Variants in LYPLAL1 observed in about 807,000 individuals in gnomAD.
LYPLAL1 encodes the protein lysophospholipase-like protein 1.
A neutral mutation model predicts 19.7 loss-of-function variants in LYPLAL1; 23 were observed. That is an observed-to-expected ratio of 1.17 (90% CI 0.84 to 1.65). LYPLAL1 has a LOEUF of 1.65. LYPLAL1 is among the 40% of genes most tolerant of loss of function. The pLI is 0.00. For synonymous variants in LYPLAL1, 119 were observed against 96.3 expected (o/e 1.24, Z -1.38); for missense variants, 355 against 279.4 (o/e 1.27, Z -1.93).
the LYPLAL1 span, among the ~76,000 whole-genome samples, chr1:219,393,420 C>T: frequency 6.6e-6 from 1 of 152,136 alleles, no homozygotes; most frequent in African/African-American, 2.4e-5. Context: ...ATGCCCTGCC[C>T]TTCATAGCCA....
chr1:219,337,646 A>G, the LYPLAL1 span, among the ~76,000 whole-genome samples: 1 of 152,002 alleles, frequency 6.6e-6, no homozygotes, highest in African/African-American at 2.4e-5. Flanking sequence ...GTGGCTGATC[A>G]AAATTACTAA....
At chr1:219,415,531 T>C in the LYPLAL1 span, among the ~76,000 whole-genome samples, 55 of 152,364 alleles carry the variant, frequency 3.6e-4, 1 homozygote, top group East Asian at 9.8e-3. Context: ...ACCAAGCATT[T>C]GCACTAGTTT....
chr1:219,427,535 T>C, the LYPLAL1 span, among the ~76,000 whole-genome samples: 118 of 152,330 alleles, frequency 7.7e-4, no homozygotes, highest in African/African-American at 2.8e-3. Flanking sequence ...ATATGAAAGT[T>C]AGAAGTTGCC....
At chr1:219,379,552 G>A in the LYPLAL1 span, among the ~76,000 whole-genome samples, 1 of 152,240 alleles carries the variant, frequency 6.6e-6, no homozygotes, top group Non-Finnish European at 1.5e-5. Flanking sequence ...GAGGGTCTCT[G>A]TTGGGTCTCA....
the LYPLAL1 span, among the ~76,000 whole-genome samples, chr1:219,417,123 G>C: frequency 6.6e-6 from 1 of 152,060 alleles, no homozygotes; most frequent in African/African-American, 2.4e-5. Flanking sequence ...TTTGAAAGAA[G>C]TTACTGTGCA....
At chr1:219,373,099 A>G in the LYPLAL1 span, among the ~76,000 whole-genome samples, 234 of 152,294 alleles carry the variant, frequency 1.5e-3, no homozygotes, top group Middle Eastern at 3.4e-3. Flanking sequence ...CTGGTGGCTG[A>G]AAAAAATGAG....
At chr1:219,252,711 C>T in the LYPLAL1 span, among the ~76,000 whole-genome samples, 1 of 152,020 alleles carries the variant, frequency 6.6e-6, no homozygotes, top group Admixed American at 6.6e-5. Context: ...ATTTTTGCAT[C>T]ATTGTTCATC....
At chr1:219,427,555 C>T in the LYPLAL1 span, among the ~76,000 whole-genome samples, 5 of 152,220 alleles carry the variant, frequency 3.3e-5, no homozygotes, top group Non-Finnish European at 7.3e-5. Flanking sequence ...CTGGCCTTTG[C>T]TTCACCTCCA....
the LYPLAL1 span, among the ~76,000 whole-genome samples, chr1:219,382,211 C>G: frequency 5.9e-5 from 9 of 152,264 alleles, no homozygotes; most frequent in East Asian, 1.7e-3. Flanking sequence ...CTCAGTGTTT[C>G]CTTCAAAATG....
chr1:219,264,829 A>G, the LYPLAL1 span, among the ~76,000 whole-genome samples: 1 of 152,226 alleles, frequency 6.6e-6, no homozygotes, highest in East Asian at 1.9e-4. Flanking sequence ...TGATTACAAC[A>G]ACTCAGAGGA....
rs147699943 is a variant in LYPLAL1 at position 219,195,748 on chromosome 1, G to A, written c.361+2497G>A. ...CAGGACATGCAGGTTTGTTACATAGGTAAACATGTGTCATGGTGTTTTGCT... is the reference window on the plus strand; with the variant it reads ...CAGGACATGCAGGTTTGTTACATAGATAAACATGTGTCATGGTGTTTTGCT... On this transcript the variant is annotated intron_variant, in intron 3 of 4. Coordinates refer to ENST00000366928, the MANE Select transcript of LYPLAL1 (RefSeq NM_138794.5). Among the ~76,000 whole-genome samples, 690 of 152,198 alleles carry A rather than the reference G, an allele frequency of 4.5e-3. 5 individuals are homozygous for A. Among genetic ancestry groups the A allele is most frequent in the South Asian group, 0.023 (111 of 4,818 alleles).
At chr1:219,401,103 A>G in the LYPLAL1 span, among the ~76,000 whole-genome samples, 1 of 152,120 alleles carries the variant, frequency 6.6e-6, no homozygotes, top group Non-Finnish European at 1.5e-5. Flanking sequence ...GGGTTAGTTA[A>G]CATTTTGTTT....
At chr1:219,438,570 G>C in the LYPLAL1 span, among the ~76,000 whole-genome samples, 1 of 152,186 alleles carries the variant, frequency 6.6e-6, no homozygotes, top group African/African-American at 2.4e-5. Context: ...AGTGTTGCCA[G>C]GTTATCGTCA....
chr1:219,210,673 G>C, intron 4 of LYPLAL1, 26 bp downstream of exon 4: 10 of 1,577,720 alleles, frequency 6.3e-6, no homozygotes, highest in Non-Finnish European at 8.6e-6. Context: ...AAAAAAAAAT[G>C]AAAAAAATAT....
chr1:219,439,418 C>T, the LYPLAL1 span, among the ~76,000 whole-genome samples: 1 of 152,306 alleles, frequency 6.6e-6, no homozygotes, highest in African/African-American at 2.4e-5. Context: ...AATCCTGCCT[C>T]TTCCATGATA....
the LYPLAL1 span, among the ~76,000 whole-genome samples, chr1:219,344,097 C>T: frequency 6.6e-6 from 1 of 152,184 alleles, no homozygotes; most frequent in Admixed American, 6.6e-5. Flanking sequence ...ATCTGCTGCC[C>T]CCTCAAAATG....
chr1:219,262,693 C>T, the LYPLAL1 span, among the ~76,000 whole-genome samples: 1 of 152,174 alleles, frequency 6.6e-6, no homozygotes, highest in Non-Finnish European at 1.5e-5. Flanking sequence ...GATTCATCTT[C>T]AGGTCTCCCA....
At chr1:219,281,571 G>A in the LYPLAL1 span, among the ~76,000 whole-genome samples, 11 of 152,020 alleles carry the variant, frequency 7.2e-5, no homozygotes, top group Non-Finnish European at 4.4e-5. Flanking sequence ...ACTGCATGCA[G>A]CCAAGCAACT....
the LYPLAL1 span, among the ~76,000 whole-genome samples, chr1:219,432,449 G>A: frequency 6.6e-6 from 1 of 152,106 alleles, no homozygotes; most frequent in Non-Finnish European, 1.5e-5. Context: ...ACTAGGGGTG[G>A]GAGGAAGTCT....
Sources: gnomAD v4.1 joint callset for allele counts (sites outside exome capture counted in the v4.1 genomes callset) on GRCh38, gnomAD v4.1.1 for gene constraint, MANE v1.5 for transcripts, NCBI Gene and HGNC (gene_info 2026-07-23, HGNC 2026-07-21) for gene names.